Variants in PML observed in about 807,000 individuals in gnomAD.
PML encodes PML nuclear body scaffold.
A neutral mutation model predicts 65.2 loss-of-function variants in PML; 28 were observed. The observed-to-expected ratio is 0.43, with a 90% CI of 0.32 to 0.59. The LOEUF (loss-of-function observed/expected upper bound fraction) is 0.59. PML is among the 20% of genes least tolerant of loss of function. The probability of loss-of-function intolerance (pLI) is 0.08; values close to 1 mark genes in which losing one functional copy is unlikely to be tolerated. For missense variants in PML, 1,021 were observed against 1,203.4 expected (o/e 0.85, Z 2.24); for synonymous variants, 500 against 508.8 (o/e 0.98, Z 0.23).
intron 2 of PML, among the ~76,000 whole-genome samples, chr15:74,018,538 G>A (rs535857449): frequency 1.2e-3 from 189 of 151,950 alleles, no homozygotes; most frequent in Middle Eastern, 6.8e-3. Context: ...TTTAGAGATG[G>A]AGTTCTTGCT....
Position 74,043,332 on chromosome 15 carries a change from C to G in PML, c.1861+193C>G, listed in dbSNP as rs145373016. ...ATTTGCTGGCTTGAATAAAGATGTC[C>G]GCCTTATCCAGTGCCTGAGTGTGCG... On this transcript the variant is annotated intron_variant, in intron 8 of 8. Coordinates refer to ENST00000268058, the MANE Select transcript of PML (RefSeq NM_033238.3). This position sits in a 1 kb window ranked among gnomAD's most constrained non-coding sequence, Gnocchi z 4.3. 1 of 1,460,082 alleles carries G rather than the reference C, an allele frequency of 6.8e-7. No homozygotes were observed. Among genetic ancestry groups the G allele is most frequent in the Non-Finnish European group, 9.0e-7 (1 of 1,113,344 alleles). 90.4% of individuals were successfully genotyped at this position (1,460,082 alleles called of 1,614,324 possible).
chr15:74,039,926 A>C (rs1410333220), intron 7 of PML, among the ~76,000 whole-genome samples: 1 of 152,142 alleles, frequency 6.6e-6, no homozygotes, highest in Non-Finnish European at 1.5e-5. Flanking sequence ...CAATCCAGCC[A>C]CTTCCTCTGA....
At chr15:74,033,861 T>C in intron 6 of PML, 2 of 480,684 alleles carry the variant, frequency 4.2e-6, no homozygotes, top group Admixed American at 3.6e-5. Context: ...AGTATCTCAT[T>C]TGTCAGAGTT....
chr15:73,998,629 G>A (rs1046950355), intron 2 of PML, among the ~76,000 whole-genome samples, 153 bp downstream of exon 2: 2 of 152,200 alleles, frequency 1.3e-5, no homozygotes, highest in African/African-American at 4.8e-5. Flanking sequence ...TGTCCGTGTT[G>A]ATGACCACAA....
chr15:74,032,348 A>G (rs1263883650), intron 4 of PML: 2 of 584,438 alleles, frequency 3.4e-6, no homozygotes, highest in Non-Finnish European at 3.0e-6. Flanking sequence ...CGTGGGCAAC[A>G]TAGTGAGACC....
chr15:74,007,089 C>G (rs2070097205), intron 2 of PML, among the ~76,000 whole-genome samples: 1 of 152,208 alleles, frequency 6.6e-6, no homozygotes, highest in Non-Finnish European at 1.5e-5. Flanking sequence ...TGCGGGCCTA[C>G]TTGGTGCCAG....
chr15:74,019,263 C>T (rs142836732), intron 2 of PML, among the ~76,000 whole-genome samples: 1 of 152,224 alleles, frequency 6.6e-6, no homozygotes, highest in African/African-American at 2.4e-5. Context: ...GCCAGGCTGC[C>T]TGAGGCGTGC....
chr15:74,034,306 C>A, intron 6 of PML, 172 bp from the exon 7 acceptor site: 1 of 792,106 alleles, frequency 1.3e-6, no homozygotes, highest in Non-Finnish European at 2.2e-6. Flanking sequence ...TACTCAAATC[C>A]AAATGCAAAG....
At chr15:74,013,629 A>G (rs141420421) in intron 2 of PML, among the ~76,000 whole-genome samples, 81 of 151,934 alleles carry the variant, frequency 5.3e-4, no homozygotes, top group African/African-American at 1.8e-3. Context: ...GCATGACTGA[A>G]TAGAAGAGCT....
At chr15:74,031,299 G>A (rs1365884201) in intron 4 of PML, 1 of 441,004 alleles carries the variant, frequency 2.3e-6, no homozygotes, top group East Asian at 7.1e-5. Context: ...GTTTGAGACA[G>A]AGTCTCACTC....
intron 4 of PML, chr15:74,026,954 C>T (rs1373331490): frequency 1.3e-5 from 2 of 152,146 alleles, no homozygotes; most frequent in Non-Finnish European, 2.9e-5. Context: ...TGCCCCACCT[C>T]TTTTTTAAAT....
intron 2 of PML, among the ~76,000 whole-genome samples, chr15:74,019,637 C>T (rs919240021): frequency 3.9e-5 from 6 of 152,156 alleles, no homozygotes; most frequent in African/African-American, 7.2e-5. Flanking sequence ...CCCATTCTTA[C>T]ACAAAAGGTA....
In PML at chr15:74,035,248, A is replaced by G. The variant is rs1374053330; in HGVS notation, c.1710+718A>G. ...TCGCCAGCCCACTCCTCGCCAGCCC[A>G]CTCCTCGCCAGTCCAGTCTCTGCTG... On this transcript the variant is annotated intron_variant, in intron 7 of 8. Coordinates refer to ENST00000268058, the MANE Select transcript of PML (RefSeq NM_033238.3). This position sits in a 1 kb window ranked among gnomAD's most constrained non-coding sequence, Gnocchi z 4.1. The G allele has an allele frequency of 1.2e-6, 2 of 1,609,388 alleles. No individual in the cohort carries two copies. The highest frequency in any genetic ancestry group is 1.3e-5 in the African/African-American group (1 of 74,266).
chr15:74,010,071 G>A (rs993725833), intron 2 of PML, among the ~76,000 whole-genome samples: 1 of 151,650 alleles, frequency 6.6e-6, no homozygotes, highest in Non-Finnish European at 1.5e-5. Flanking sequence ...CTGGAGTGCA[G>A]TGTGCGATTA....
At chr15:74,005,176 C>T (rs867168569) in intron 2 of PML, among the ~76,000 whole-genome samples, 1 of 152,108 alleles carries the variant, frequency 6.6e-6, no homozygotes, top group Admixed American at 6.5e-5. Context: ...CCTCAGCCTC[C>T]CGAGTAGCTG....
chr15:74,033,074 A>T, intron 5 of PML, 82 bp from the exon 6 acceptor site: 1 of 1,511,840 alleles, frequency 6.6e-7, no homozygotes, highest in Non-Finnish European at 9.2e-7. Context: ...AAGGGTGGCC[A>T]CAAGTCCCTG....
intron 1 of PML, among the ~76,000 whole-genome samples, chr15:73,995,938 G>C (rs2069474990): frequency 6.6e-6 from 1 of 152,208 alleles, no homozygotes; most frequent in East Asian, 1.9e-4. Flanking sequence ...ATTTTTAGTA[G>C]AGATGGGGTT....
chr15:74,000,080 C>T (rs1349991528), intron 2 of PML, among the ~76,000 whole-genome samples: 2 of 152,008 alleles, frequency 1.3e-5, no homozygotes, highest in Non-Finnish European at 2.9e-5. Context: ...ATCCACCTGC[C>T]TCGGCCTCCC....
At chr15:74,019,132 T>C (rs11072466) in intron 2 of PML, among the ~76,000 whole-genome samples, 75,805 of 152,002 alleles carry the variant, frequency 0.5, 19,390 homozygotes, top group Non-Finnish European at 0.56. Flanking sequence ...TGCCGCCCAT[T>C]TCCATCTAGA....
Sources: allele counts gnomAD v4.1 joint callset (sites outside exome capture counted in the v4.1 genomes callset), GRCh38; gene constraint gnomAD v4.1.1; non-coding constraint Gnocchi (gnomAD v3.1); transcripts MANE v1.5; gene names NCBI Gene and HGNC (gene_info 2026-07-23, HGNC 2026-07-21).